The following CSMD1 variants were observed in gnomAD, a reference collection of about 807,000 sequenced individuals.
CSMD1 encodes CUB and sushi domain-containing protein 1.
CSMD1 carries 213 observed loss-of-function variants against 417.5 expected under a neutral mutation model. That is an observed-to-expected ratio of 0.51 (90% CI 0.46 to 0.57). The LOEUF (loss-of-function observed/expected upper bound fraction) is 0.57. Ranked by LOEUF, CSMD1 falls within the 20% of genes least tolerant of loss-of-function variation. CSMD1 has a pLI of 0.00. For missense variants in CSMD1, 6,923 were observed against 4,529.7 expected, an observed-to-expected ratio of 1.53 and a Z score of -15.17; for synonymous variants, 2,862 against 1,736.8, an observed-to-expected ratio of 1.65 and a Z score of -16.11.
chr8:3,014,798 C>A lies in CSMD1; in HGVS notation c.8029+3679G>T, dbSNP rs146227302. On this transcript the variant is annotated intron_variant, in intron 52 of 69. Coordinates refer to ENST00000635120, the MANE Select transcript of CSMD1 (RefSeq NM_033225.6). ...TGGGCATGCTGCTGTGCACTGTGGTCCAAGCTACTTAGGAGGCTGAGGTGG... is the reference window on the plus strand; with the variant it reads ...TGGGCATGCTGCTGTGCACTGTGGTACAAGCTACTTAGGAGGCTGAGGTGG... 6.6e-3 allele frequency among the ~76,000 whole-genome samples: 1,008 copies of A among 152,158 alleles called. 13 individuals are homozygous for A. The highest frequency in any genetic ancestry group is 0.014 in the Middle Eastern group (4 of 294).
intron 2 of CSMD1, among the ~76,000 whole-genome samples, chr8:4,593,958 T>G (rs976686318): frequency 9.9e-5 from 15 of 152,072 alleles, no homozygotes; most frequent in Non-Finnish European, 1.9e-4. Flanking sequence ...TCACGTTCCC[T>G]CCAAACCCTG....
At chr8:4,454,223 C>G (rs1030186166) in intron 2 of CSMD1, among the ~76,000 whole-genome samples, 4 of 152,230 alleles carry the variant, frequency 2.6e-5, no homozygotes, top group East Asian at 3.9e-4. Flanking sequence ...TATCCACCCC[C>G]AACACCGCCA....
Position 3,204,398 on chromosome 8 carries a change from T to TA in CSMD1, c.4984+1105dup, listed in dbSNP as rs60509525. 4.7e-3 allele frequency among the ~76,000 whole-genome samples: 703 copies of TA among 148,384 alleles called. 12 individuals are homozygous for TA. Among genetic ancestry groups the TA allele is most frequent in the African/African-American group, 0.014 (577 of 40,380 alleles). The stretch of plus-strand genomic sequence containing the variant: ...AGGGGAATACTGCTGAGCATTTAGG[T>TA]AAAAAAAAAAAAAATTATTTCATTC... On this transcript the variant is annotated intron_variant, in intron 31 of 69. Coordinates refer to ENST00000635120, the MANE Select transcript of CSMD1 (RefSeq NM_033225.6).
At chr8:3,386,691 C>A (rs972239048) in intron 18 of CSMD1, among the ~76,000 whole-genome samples, 1 of 152,136 alleles carries the variant, frequency 6.6e-6, no homozygotes, top group Non-Finnish European at 1.5e-5. Context: ...TCCATAGAAA[C>A]AATGTGTTTT....
chr8:3,619,105 C>T (rs1018733097), intron 7 of CSMD1, among the ~76,000 whole-genome samples: 4 of 149,130 alleles, frequency 2.7e-5, no homozygotes, highest in African/African-American at 7.8e-5. Flanking sequence ...CAGAGGAATA[C>T]AATAGAACAC....
At chr8:4,350,026 T>A (rs532166687) in intron 3 of CSMD1, among the ~76,000 whole-genome samples, 1 of 152,176 alleles carries the variant, frequency 6.6e-6, no homozygotes, top group African/African-American at 2.4e-5. Context: ...GTCTTTTCCT[T>A]GACTAAAGAG....
At position 4,031,958 on chromosome 8, in the gene CSMD1, A is replaced by T. The variant is rs768194785; in HGVS notation, c.557T>A (p.Ile186Asn). Residue 186 changes from isoleucine (I) to asparagine (N), a missense_variant, in exon 4 of 70, where the codon ATC becomes AAC. Coordinates refer to ENST00000635120, the MANE Select transcript of CSMD1 (RefSeq NM_033225.6). ...CGATGCACCATTTCCTGGGCTGACGATGCAGGTCAGGATGGCGTGGCCTTC... is the reference window on the plus strand; with the variant it reads ...CGATGCACCATTTCCTGGGCTGACGTTGCAGGTCAGGATGGCGTGGCCTTC... Reference protein sequence around the residue: ...ILEGHAILTCIVSPGNGASWD... With the variant: ...ILEGHAILTCNVSPGNGASWD... 7.4e-6 allele frequency: 12 copies of T among 1,613,864 alleles called. No individual in the cohort carries two copies. The East Asian group carries it at 2.2e-4, about 30-fold the overall frequency.
intron 33 of CSMD1, among the ~76,000 whole-genome samples, chr8:3,198,661 G>C (rs1419298339): frequency 6.6e-6 from 1 of 151,980 alleles, no homozygotes; most frequent in Non-Finnish European, 1.5e-5. Flanking sequence ...GAAAACTGAA[G>C]GGTTTTTACA....
chr8:4,201,287 C>T (rs985673768), intron 3 of CSMD1, among the ~76,000 whole-genome samples: 6 of 152,018 alleles, frequency 3.9e-5, no homozygotes, highest in Admixed American at 3.3e-4. Context: ...GCCTGTAATC[C>T]CAGCACTTTG....
intron 1 of CSMD1, among the ~76,000 whole-genome samples, chr8:4,956,362 G>A (rs547863495): frequency 1.0e-4 from 15 of 150,386 alleles, no homozygotes; most frequent in African/African-American, 2.9e-4. Flanking sequence ...CTTGTTTACC[G>A]TAAGATAGGA....
At position 3,438,718 on chromosome 8, in the gene CSMD1, A is replaced by G. The variant is rs544076663; in HGVS notation, c.1562-29113T>C. Among the ~76,000 whole-genome samples the G allele has an allele frequency of 3.9e-4, 59 of 152,210 alleles. No homozygotes were observed. The Middle Eastern group carries it at 0.01, about 26-fold the overall frequency. ...AGCTGCTACACATATTCCTGCTACT[A>G]TTACTTATTATTATGTTATGTGAAC... On this transcript the variant is annotated intron_variant, in intron 12 of 69. Coordinates refer to ENST00000635120, the MANE Select transcript of CSMD1 (RefSeq NM_033225.6).
Position 3,778,093 on chromosome 8 carries a change from G to A in CSMD1, c.819-24051C>T, listed in dbSNP as rs557358853. ...GGGAAACTGGAGTTTGAGAGCTGCT[G>A]GCCCAGAGCATTATCTTGAGAAAGA... On this transcript the variant is annotated intron_variant, in intron 5 of 69. Coordinates refer to ENST00000635120, the MANE Select transcript of CSMD1 (RefSeq NM_033225.6). Among the ~76,000 whole-genome samples, 8 of 152,212 alleles carry A rather than the reference G, an allele frequency of 5.3e-5. 1 individual carries two copies. In the South Asian group the frequency reaches 1.7e-3, roughly 31 times the overall value.
At chr8:3,481,604 G>T (rs35309862) in intron 11 of CSMD1, among the ~76,000 whole-genome samples, 73,957 of 152,012 alleles carry the variant, frequency 0.49, 18,180 homozygotes, top group Non-Finnish European at 0.53. Context: ...GTTAAGGATC[G>T]AAATGTGGGG....
chr8:4,391,665 A>G (rs1803858263), intron 3 of CSMD1, among the ~76,000 whole-genome samples: 1 of 152,036 alleles, frequency 6.6e-6, no homozygotes, highest in South Asian at 2.1e-4. Flanking sequence ...AAGTGGGAAG[A>G]CGGCTTACTT....
intron 6 of CSMD1, among the ~76,000 whole-genome samples, chr8:3,717,653 T>C (rs1206825304): frequency 6.6e-6 from 1 of 152,204 alleles, no homozygotes; most frequent in Non-Finnish European, 1.5e-5. Context: ...GTATTTATTA[T>C]TAATGCTATG....
In CSMD1 at chr8:4,569,165, A is replaced by G. The variant is rs117490505; in HGVS notation, c.302+68177T>C. Among the ~76,000 whole-genome samples the G allele has an allele frequency of 3.3e-4, 51 of 152,274 alleles. No individual in the cohort carries two copies. In the East Asian group the frequency reaches 9.5e-3, roughly 28 times the overall value. On this transcript the variant is annotated intron_variant, in intron 2 of 69. Coordinates refer to ENST00000635120, the MANE Select transcript of CSMD1 (RefSeq NM_033225.6). ...TATTTCAATTAGATTCCATCTGTCA[A>G]TTCTGGCTTTTGTTGCCATTTCTTT...
chr8:3,749,013 T>C (rs1329078355), intron 6 of CSMD1, among the ~76,000 whole-genome samples: 1 of 152,218 alleles, frequency 6.6e-6, no homozygotes, highest in Non-Finnish European at 1.5e-5. Context: ...ATTGTAATTT[T>C]ATAAACAGCC....
chr8:3,938,933 C>T (rs1479413532), intron 5 of CSMD1, among the ~76,000 whole-genome samples: 2 of 152,040 alleles, frequency 1.3e-5, no homozygotes, highest in South Asian at 2.1e-4. Context: ...AACACAGTAA[C>T]ATTTTATTAG....
At chr8:4,446,755 C>CTGTG (rs58002310) in intron 2 of CSMD1, among the ~76,000 whole-genome samples, 1,776 of 132,972 alleles carry the variant, frequency 0.013, 19 homozygotes, top group Non-Finnish European at 0.016. Context: ...GTGTGTGTGT[C>CTGTG]TGTGTGTGTG....
Sources: gnomAD v4.1 joint callset for allele counts (sites outside exome capture counted in the v4.1 genomes callset) on GRCh38, gnomAD v4.1.1 for gene constraint, MANE v1.5 for transcripts, NCBI Gene and HGNC (gene_info 2026-07-23, HGNC 2026-07-21) for gene names.